Variants in CDK19 observed in about 807,000 individuals in gnomAD.
The protein encoded by CDK19 is cyclin dependent kinase 19.
CDK19 carries 20 observed loss-of-function variants against 68.3 expected under a neutral mutation model. That is an observed-to-expected ratio of 0.29 (90% CI 0.21 to 0.43). The LOEUF is 0.43. Among genes scored for constraint, CDK19 ranks in the 20% least tolerant of loss-of-function variants. The pLI is 1.00. For synonymous variants in CDK19, 221 were observed against 222.8 expected, an observed-to-expected ratio of 0.99 and a Z score of 0.07; for missense variants, 339 against 623.5, an observed-to-expected ratio of 0.54 and a Z score of 4.86.
intron 1 of CDK19, chr6:110,814,716 G>A (rs948741701): frequency 3.0e-5 from 18 of 596,436 alleles, no homozygotes; most frequent in Middle Eastern, 5.2e-4. Flanking sequence ...CCTCCACCGC[G>A]GTCCCAACTC....
At chr6:110,774,980 G>T (rs559827342) in intron 1 of CDK19, among the ~76,000 whole-genome samples, 1 of 151,962 alleles carries the variant, frequency 6.6e-6, no homozygotes, top group Admixed American at 6.6e-5. Context: ...GGGTGCGGTG[G>T]CTCACACCTG....
At chr6:110,798,573 C>A (rs552576053) in intron 1 of CDK19, among the ~76,000 whole-genome samples, 1 of 135,528 alleles carries the variant, frequency 7.4e-6, no homozygotes, top group African/African-American at 2.7e-5. Flanking sequence ...TGCAGTGAGC[C>A]AAGATCGCGA....
At chr6:110,668,115 GA>G (rs1004518548) in intron 3 of CDK19, among the ~76,000 whole-genome samples, 1 of 152,118 alleles carries the variant, frequency 6.6e-6, no homozygotes, top group Non-Finnish European at 1.5e-5. Context: ...CGATCCCATT[GA>G]AATAAATACA....
intron 4 of CDK19, among the ~76,000 whole-genome samples, chr6:110,649,976 T>C (rs1003840893): frequency 4.6e-5 from 7 of 152,234 alleles, no homozygotes; most frequent in Non-Finnish European, 8.8e-5. Context: ...AGTAATTCCA[T>C]TTTTAAAAAT....
chr6:110,684,506 G>T (rs1218358742), intron 2 of CDK19, among the ~76,000 whole-genome samples: 1 of 151,998 alleles, frequency 6.6e-6, no homozygotes, highest in Non-Finnish European at 1.5e-5. Context: ...TTTAGATTCT[G>T]GCTTAAAAGA....
intron 4 of CDK19, among the ~76,000 whole-genome samples, chr6:110,655,381 A>C (rs938856722): frequency 1.3e-5 from 2 of 151,952 alleles, no homozygotes; most frequent in Non-Finnish European, 2.9e-5. Context: ...AAAAAAAATA[A>C]ATAAAAATAA....
At chr6:110,615,496 A>G (rs1013486545) in intron 12 of CDK19, among the ~76,000 whole-genome samples, 2 of 152,222 alleles carry the variant, frequency 1.3e-5, no homozygotes, top group African/African-American at 2.4e-5. Flanking sequence ...GGGAAAGAAT[A>G]TATGTAATAA....
intron 4 of CDK19, among the ~76,000 whole-genome samples, chr6:110,641,417 T>G (rs1780157295): frequency 6.6e-6 from 1 of 151,284 alleles, no homozygotes; most frequent in Non-Finnish European, 1.5e-5. Context: ...GTCAACATGG[T>G]GAAACCCCAT....
At chr6:110,715,075 G>C (rs866034781) in intron 2 of CDK19, among the ~76,000 whole-genome samples, 15 of 152,128 alleles carry the variant, frequency 9.9e-5, no homozygotes, top group Middle Eastern at 6.8e-3. Flanking sequence ...TTTTAATGGG[G>C]TTTCTTTTTT....
chr6:110,742,788 G>A (rs10080825), intron 2 of CDK19, among the ~76,000 whole-genome samples: 2,077 of 152,206 alleles, frequency 0.014, 58 homozygotes, highest in African/African-American at 0.047. Context: ...CTCTGCTCTC[G>A]AATCCTGTTT....
chr6:110,714,167 A>C (rs1380458531), intron 2 of CDK19, among the ~76,000 whole-genome samples: 1 of 152,232 alleles, frequency 6.6e-6, no homozygotes, highest in African/African-American at 2.4e-5. Flanking sequence ...GACATTTCAT[A>C]TAAATGAAAC....
intron 1 of CDK19, among the ~76,000 whole-genome samples, chr6:110,809,369 A>G (rs1782910044): frequency 6.6e-6 from 1 of 152,014 alleles, no homozygotes; most frequent in African/African-American, 2.4e-5. Context: ...ACAAAACAAC[A>G]ACAAAAATTA....
At chr6:110,792,453 G>A (rs7450072) in intron 1 of CDK19, among the ~76,000 whole-genome samples, 3 of 108,548 alleles carry the variant, frequency 2.8e-5, no homozygotes, top group East Asian at 4.2e-4. Context: ...GCACAATCTC[G>A]GCTCACTGCA....
chr6:110,613,481 A>G lies in CDK19; in HGVS notation c.*1054T>C, dbSNP rs994253570. 1 of 152,620 alleles carries G rather than the reference A, an allele frequency of 6.6e-6. No individual in the cohort carries two copies. The highest frequency in any genetic ancestry group is 1.9e-4 in the East Asian group (1 of 5,204). 9.5% of individuals were successfully genotyped at this position (152,620 alleles called of 1,614,324 possible). ...ATGGAGAACACTGCTCTTTATTTTAAAAGCAGATTAATTTTCAGGCTTCTA... is the reference window on the plus strand; with the variant it reads ...ATGGAGAACACTGCTCTTTATTTTAGAAGCAGATTAATTTTCAGGCTTCTA... On this transcript the variant is annotated 3_prime_UTR_variant, in exon 13 of 13. Coordinates refer to ENST00000368911, the MANE Select transcript of CDK19 (RefSeq NM_015076.5).
chr6:110,815,399 T>A lies in CDK19; in HGVS notation c.-263A>T, dbSNP rs706931. 1 of 320,270 alleles carries A rather than the reference T, an allele frequency of 3.1e-6. No homozygotes were observed. The highest frequency in any genetic ancestry group is 8.9e-5 in the South Asian group (1 of 11,296). 19.8% of individuals were successfully genotyped at this position (320,270 alleles called of 1,614,324 possible). On this transcript the variant is annotated 5_prime_UTR_variant, in exon 1 of 13. Transcript: ENST00000368911. Reference sequence around the variant, plus strand: ...GCAGGCACCCCCAGTCCCGCCTCCCTCCTTCATTTCCTTGTTTTGGAACCT... The same window carrying A: ...GCAGGCACCCCCAGTCCCGCCTCCCACCTTCATTTCCTTGTTTTGGAACCT...
intron 1 of CDK19, among the ~76,000 whole-genome samples, chr6:110,747,445 T>C (rs189578818): frequency 6.6e-6 from 1 of 152,316 alleles, no homozygotes; most frequent in Admixed American, 6.5e-5. Flanking sequence ...AGATGGACTA[T>C]GATGCAATTT....
rs1410749264 is a variant in CDK19 at position 110,610,135 on chromosome 6, G to A, written c.*4400C>T. On this transcript the variant is annotated 3_prime_UTR_variant, in exon 13 of 13. Transcript: ENST00000368911. ...GCTCGTCCTGCACTCCATGGAGCAG[G>A]CCTCGCTGGGGTGCAGCGGCTCTGA... is the stretch of plus-strand genomic sequence containing the variant. 3 of 152,208 alleles carry A rather than the reference G, an allele frequency of 2.0e-5. No individual in the cohort carries two copies. Among genetic ancestry groups the A allele is most frequent in the South Asian group, 4.1e-4 (2 of 4,826 alleles). 9.4% of individuals were successfully genotyped at this position (152,208 alleles called of 1,614,324 possible).
chr6:110,693,392 TA>T (rs1354491253), intron 2 of CDK19, among the ~76,000 whole-genome samples: 1 of 152,168 alleles, frequency 6.6e-6, no homozygotes, highest in Non-Finnish European at 1.5e-5. Context: ...AAGCAAAATA[TA>T]AAAGTAGAAG....
intron 2 of CDK19, among the ~76,000 whole-genome samples, chr6:110,723,143 ACAAAAAAC>A (rs1156424580): frequency 2.0e-5 from 2 of 100,542 alleles, no homozygotes; most frequent in African/African-American, 5.8e-5. Context: ...GTCAAAAAAA[ACAAAAAAC>A]AAAAAAAAAA....
Sources: gnomAD v4.1 joint callset for allele counts (sites outside exome capture counted in the v4.1 genomes callset) on GRCh38, gnomAD v4.1.1 for gene constraint, MANE v1.5 for transcripts, NCBI Gene and HGNC (gene_info 2026-07-23, HGNC 2026-07-21) for gene names.